CLDN14: variants seen among roughly 807,000 people sequenced by gnomAD.
The protein encoded by CLDN14 is claudin 14.
Under a neutral mutation model 2.1 loss-of-function variants are expected in CLDN14, and 2 were observed. The ratio of observed to expected loss-of-function variants is 0.96; its 90% CI spans 0.39 to 3.01. CLDN14 has a LOEUF of 3.01. Among genes scored for constraint, CLDN14 ranks in the 30% most tolerant of loss-of-function variants. The pLI is 0.09. For missense variants in CLDN14, 298 were observed against 328.0 expected (o/e 0.91, Z 0.71); for synonymous variants, 136 against 154.4 (o/e 0.88, Z 0.88).
chr21:36,471,881 G>T (rs188363187), intron 1 of CLDN14, among the ~76,000 whole-genome samples: 68 of 152,272 alleles, frequency 4.5e-4, no homozygotes, highest in African/African-American at 1.5e-3. Context: ...TTTTCTAATG[G>T]TAAGGAAAAT....
In CLDN14 at chr21:36,498,675, A is replaced by T. The variant is rs571245110; in HGVS notation, c.-82+11688T>A. Among the ~76,000 whole-genome samples the T allele has an allele frequency of 2.2e-4, 33 of 152,248 alleles. No homozygotes were observed. The highest frequency in any genetic ancestry group is 3.2e-4 in the Non-Finnish European group (22 of 68,004). ...CCACCCTGGAAAAAATGAACATAGG[A>T]TCTGGCTGTGGCAGACAGCAGCCTA... On this transcript the variant is annotated intron_variant, in intron 2 of 2. Coordinates refer to the CLDN14 transcript ENST00000342108. The surrounding 1 kb of genome is among the most constrained non-coding windows in gnomAD (Gnocchi z 4.9).
chr21:36,553,137 A>G (rs1280703191), intron 1 of CLDN14, among the ~76,000 whole-genome samples: 1 of 152,236 alleles, frequency 6.6e-6, no homozygotes, highest in Admixed American at 6.5e-5. Flanking sequence ...CTGTTGAGCT[A>G]GGACCAAGGC....
chr21:36,509,243 C>G (rs1007782579), intron 2 of CLDN14, among the ~76,000 whole-genome samples: 1 of 152,164 alleles, frequency 6.6e-6, no homozygotes, highest in Non-Finnish European at 1.5e-5. Flanking sequence ...AAGGCACTTC[C>G]GGTGTCCGCC....
chr21:36,567,206 C>T (rs2087679783), intron 1 of CLDN14, among the ~76,000 whole-genome samples: 1 of 152,232 alleles, frequency 6.6e-6, no homozygotes, highest in South Asian at 2.1e-4. Context: ...AGGGCATGCA[C>T]ATTCACATAG....
At chr21:36,521,632 G>T (rs1049329722) in intron 1 of CLDN14, among the ~76,000 whole-genome samples, 3 of 152,196 alleles carry the variant, frequency 2.0e-5, no homozygotes, top group Admixed American at 1.3e-4. Context: ...AGGTCCATCT[G>T]TGTGGGCAGA....
intron 1 of CLDN14, among the ~76,000 whole-genome samples, chr21:36,513,843 T>A (rs1056713975): frequency 7.9e-5 from 12 of 151,240 alleles, no homozygotes; most frequent in African/African-American, 2.5e-4. Context: ...CTTTCTTTTT[T>A]AAAATTGAAA....
intron 1 of CLDN14, among the ~76,000 whole-genome samples, chr21:36,516,985 G>A (rs9305586): frequency 2.0e-5 from 3 of 152,006 alleles, no homozygotes; most frequent in African/African-American, 7.3e-5. Context: ...AATTACAGGC[G>A]TGCCCCACCA....
At chr21:36,556,393 G>A (rs1014882688) in intron 1 of CLDN14, among the ~76,000 whole-genome samples, 1 of 152,162 alleles carries the variant, frequency 6.6e-6, no homozygotes, top group Admixed American at 6.5e-5. Context: ...TTTTGTGCTT[G>A]GACCCTATAG....
intron 2 of CLDN14, among the ~76,000 whole-genome samples, chr21:36,509,955 C>G (rs745315553): frequency 6.6e-6 from 1 of 152,198 alleles, no homozygotes; most frequent in Non-Finnish European, 1.5e-5. Flanking sequence ...TGGCCACCTA[C>G]ACAACCTGTC....
At chr21:36,539,085 T>G (rs1467818460) in intron 1 of CLDN14, among the ~76,000 whole-genome samples, 3 of 152,270 alleles carry the variant, frequency 2.0e-5, no homozygotes, top group Non-Finnish European at 2.9e-5. Flanking sequence ...GGGAAGTCTC[T>G]GTTGTAACCC....
At chr21:36,539,577 T>A in intron 1 of CLDN14, among the ~76,000 whole-genome samples, 1 of 77,784 alleles carries the variant, frequency 1.3e-5, no homozygotes, top group South Asian at 3.9e-4. Flanking sequence ...TGTGTGCAGT[T>A]TGTGTGGAGT....
At chr21:36,525,952 G>C (rs1032361295) in intron 1 of CLDN14, among the ~76,000 whole-genome samples, 1 of 152,200 alleles carries the variant, frequency 6.6e-6, no homozygotes, top group Admixed American at 6.5e-5. Context: ...CCCTGGACCA[G>C]AGGGAAGCGG....
At chr21:36,504,453 G>C (rs549276039) in intron 2 of CLDN14, among the ~76,000 whole-genome samples, 4 of 152,216 alleles carry the variant, frequency 2.6e-5, no homozygotes, top group East Asian at 1.9e-4. Context: ...TTCAGGTTCC[G>C]AAAGGCAATC....
intron 1 of CLDN14, among the ~76,000 whole-genome samples, chr21:36,569,343 G>A (rs538918376): frequency 8.6e-4 from 131 of 152,032 alleles, no homozygotes; most frequent in African/African-American, 3.0e-3. Flanking sequence ...TTGAACCCGG[G>A]AGGCAAAGGT....
intron 2 of CLDN14, among the ~76,000 whole-genome samples, chr21:36,505,951 T>C (rs548779949): frequency 6.6e-6 from 1 of 152,216 alleles, no homozygotes; most frequent in East Asian, 1.9e-4. Flanking sequence ...CTTTTTTGGA[T>C]AGCCATTTGG....
At chr21:36,476,381 G>A (rs955062357) in intron 1 of CLDN14, among the ~76,000 whole-genome samples, 1 of 152,120 alleles carries the variant, frequency 6.6e-6, no homozygotes, top group Non-Finnish European at 1.5e-5. Context: ...GCCCACTGTG[G>A]GCACTGAGCC....
At chr21:36,491,962 C>T (rs565960068) in intron 2 of CLDN14, among the ~76,000 whole-genome samples, 1 of 152,182 alleles carries the variant, frequency 6.6e-6, no homozygotes, top group Non-Finnish European at 1.5e-5. Context: ...CCACCCAGAA[C>T]CTCAGACTAT....
chr21:36,499,858 A>G lies in CLDN14; in HGVS notation c.-82+10505T>C, dbSNP rs1342064218. On this transcript the variant is annotated intron_variant, in intron 2 of 2. Coordinates refer to the CLDN14 transcript ENST00000342108. This position sits in a 1 kb window ranked among gnomAD's most constrained non-coding sequence, Gnocchi z 4.7. ...TGCTGTCATCTCCTGATGACGAGCAACATTTTCACAACATCAGGGGGCTGG... is the reference window on the plus strand; with the variant it reads ...TGCTGTCATCTCCTGATGACGAGCAGCATTTTCACAACATCAGGGGGCTGG... 3.9e-5 allele frequency among the ~76,000 whole-genome samples: 6 copies of G among 152,012 alleles called. No individual in the cohort carries two copies. Among genetic ancestry groups the G allele is most frequent in the Non-Finnish European group, 5.9e-5 (4 of 68,038 alleles).
chr21:36,570,572 G>A (rs1353263561), intron 1 of CLDN14, among the ~76,000 whole-genome samples: 1 of 152,140 alleles, frequency 6.6e-6, no homozygotes, highest in Non-Finnish European at 1.5e-5. Context: ...CAAACAAAAT[G>A]CATGGCTGTA....
Sources: allele counts gnomAD v4.1 joint callset (sites outside exome capture counted in the v4.1 genomes callset), GRCh38; gene constraint gnomAD v4.1.1; non-coding constraint Gnocchi (gnomAD v3.1); transcripts MANE v1.5; gene names NCBI Gene and HGNC (gene_info 2026-07-23, HGNC 2026-07-21).